Variants in PRDM5 observed in about 807,000 individuals in gnomAD.
PRDM5 encodes the protein PR/SET domain 5, also known as PR domain zinc finger protein 5.
A neutral mutation model predicts 81.2 loss-of-function variants in PRDM5; 56 were observed. The ratio of observed to expected loss-of-function variants is 0.69; its 90% CI spans 0.56 to 0.86. The LOEUF is 0.86. Ranked by LOEUF, PRDM5 falls within the 40% of genes least tolerant of loss-of-function variation. The probability of loss-of-function intolerance (pLI) is 0.00; values close to 1 mark genes in which losing one functional copy is unlikely to be tolerated. For missense variants in PRDM5, 697 were observed against 770.1 expected, an observed-to-expected ratio of 0.91 and a Z score of 1.12; for synonymous variants, 267 against 256.4, an observed-to-expected ratio of 1.04 and a Z score of -0.39.
chr4:120,801,588 C>T (rs895730225), intron 8 of PRDM5, among the ~76,000 whole-genome samples: 8 of 152,336 alleles, frequency 5.3e-5, no homozygotes, highest in Middle Eastern at 3.4e-3. Context: ...CTTATCTCCC[C>T]GCTTAGATGC....
intron 1 of PRDM5, 46 bp downstream of exon 1, chr4:120,922,470 G>C: frequency 6.8e-7 from 1 of 1,470,284 alleles, no homozygotes; most frequent in East Asian, 2.9e-5. Context: ...GGAGGCACAG[G>C]GCGCGCGAGG....
At chr4:120,827,459 C>T (rs962289496) in intron 3 of PRDM5, among the ~76,000 whole-genome samples, 1 of 152,076 alleles carries the variant, frequency 6.6e-6, no homozygotes, top group African/African-American at 2.4e-5. Context: ...GGGGCACCAA[C>T]AAACTTCTTA....
At chr4:120,714,664 C>T (rs185265508) in intron 14 of PRDM5, among the ~76,000 whole-genome samples, 225 of 152,178 alleles carry the variant, frequency 1.5e-3, no homozygotes, top group African/African-American at 5.2e-3. Flanking sequence ...TCTCCTGTCT[C>T]CTGCTCGTGG....
intron 10 of PRDM5, among the ~76,000 whole-genome samples, chr4:120,786,077 T>C (rs1162419495): frequency 1.3e-5 from 2 of 152,092 alleles, no homozygotes; most frequent in Non-Finnish European, 2.9e-5. Flanking sequence ...TCATATTACA[T>C]AAAACAAATC....
At chr4:120,845,999 ACCTGAAGATGTGAAGTGAGG>A in intron 3 of PRDM5, among the ~76,000 whole-genome samples, 1 of 152,290 alleles carries the variant, frequency 6.6e-6, no homozygotes, top group Admixed American at 6.5e-5. Flanking sequence ...TAGAAGTGAG[ACCTGAAGATGTGAAGTGAGG>A]CCTGAAGATG....
intron 14 of PRDM5, among the ~76,000 whole-genome samples, 194 bp downstream of exon 14, chr4:120,754,359 C>A (rs1182741883): frequency 6.6e-6 from 1 of 151,842 alleles, no homozygotes; most frequent in African/African-American, 2.4e-5. Context: ...TTTGAGGTTT[C>A]AATTTGTGTT....
chr4:120,914,605 A>G (rs917232932), intron 1 of PRDM5, among the ~76,000 whole-genome samples: 3 of 152,206 alleles, frequency 2.0e-5, no homozygotes, highest in African/African-American at 7.2e-5. Flanking sequence ...AAGGCAAAAG[A>G]GAAGCACGCA....
rs115757257 is a variant in PRDM5 at position 120,777,657 on chromosome 4, C to T, written c.1444-376G>A. ...CTTCATTTGAAGCATTTTTCACATT[C>T]TTTGTGTATATTTAACTCTTGAGGA... On this transcript the variant is annotated intron_variant, in intron 12 of 15. Transcript: ENST00000264808. Among the ~76,000 whole-genome samples the T allele has an allele frequency of 8.2e-3, 1,255 of 152,202 alleles. 11 individuals carry two copies. Among genetic ancestry groups the T allele is most frequent in the African/African-American group, 0.028 (1,157 of 41,548 alleles).
At chr4:120,748,603 T>C (rs1743495731) in intron 14 of PRDM5, among the ~76,000 whole-genome samples, 1 of 150,752 alleles carries the variant, frequency 6.6e-6, no homozygotes, top group African/African-American at 2.5e-5. Context: ...ATTGCACCAC[T>C]ACACTCCAGT....
At chr4:120,861,174 A>C (rs1561521874) in intron 2 of PRDM5, among the ~76,000 whole-genome samples, 1 of 151,992 alleles carries the variant, frequency 6.6e-6, no homozygotes, top group African/African-American at 2.4e-5. Context: ...CACATGGCTA[A>C]TTTTTATGTT....
At chr4:120,777,717 T>G (rs1294282149) in intron 12 of PRDM5, among the ~76,000 whole-genome samples, 1 of 152,130 alleles carries the variant, frequency 6.6e-6, no homozygotes, top group African/African-American at 2.4e-5. Context: ...CTATTACTTG[T>G]GTTATGATGT....
chr4:120,706,079 C>T (rs1736069475), intron 15 of PRDM5, among the ~76,000 whole-genome samples: 1 of 148,876 alleles, frequency 6.7e-6, no homozygotes, highest in African/African-American at 2.5e-5. Context: ...GGTTTTGATC[C>T]TAGATCTTTT....
chr4:120,749,943 A>G (rs1344064027), intron 14 of PRDM5, among the ~76,000 whole-genome samples: 1 of 152,144 alleles, frequency 6.6e-6, no homozygotes, highest in African/African-American at 2.4e-5. Context: ...TGCCACAGCC[A>G]GTAGGGCCAG....
downstream of PRDM5, among the ~76,000 whole-genome samples, chr4:120,684,420 T>C (rs1733763399): frequency 6.6e-6 from 1 of 152,028 alleles, no homozygotes; most frequent in Admixed American, 6.6e-5. Flanking sequence ...ACAAATCCAC[T>C]TCTCCTGGAG....
rs143199695 is a variant in PRDM5 at position 120,725,170 on chromosome 4, C to T, written c.1624-14757G>A. 6.1e-4 allele frequency among the ~76,000 whole-genome samples: 92 copies of T among 150,794 alleles called. 3 individuals carry two copies. The East Asian group carries it at 0.011, about 18-fold the overall frequency. ...GAGAAATGTTTATTCTAAACTTGAA[C>T]ACCATTAACATTTTAAAATTCCAAA... On this transcript the variant is annotated intron_variant, in intron 14 of 15. Transcript: ENST00000264808.
intron 8 of PRDM5, among the ~76,000 whole-genome samples, chr4:120,807,654 C>T (rs538424925): frequency 5.3e-4 from 81 of 152,266 alleles, no homozygotes; most frequent in South Asian, 1.9e-3. Context: ...AGAATGAAGC[C>T]GCAGACCCTC....
chr4:120,797,121 A>C (rs1027154463), intron 10 of PRDM5, among the ~76,000 whole-genome samples: 1 of 152,202 alleles, frequency 6.6e-6, no homozygotes, highest in Non-Finnish European at 1.5e-5. Context: ...AGAAGAAACT[A>C]GGACACTATA....
chr4:120,708,390 A>G lies in PRDM5; in HGVS notation c.1728+1919T>C, dbSNP rs754292467. Among the ~76,000 whole-genome samples, 95 of 152,162 alleles carry G rather than the reference A, an allele frequency of 6.2e-4. 1 individual carries two copies. Among genetic ancestry groups the G allele is most frequent in the African/African-American group, 2.2e-3 (92 of 41,462 alleles). ...ATGCTTAATGAAAGAAGCCAGTCAC[A>G]AAAGGTCACATATTGCATATTTCAT... On this transcript the variant is annotated intron_variant, in intron 15 of 15. Coordinates refer to ENST00000264808, the MANE Select transcript of PRDM5 (RefSeq NM_018699.4).
chr4:120,864,473 G>C lies in PRDM5; in HGVS notation c.178-10933C>G, dbSNP rs1319482729. 3.3e-5 allele frequency among the ~76,000 whole-genome samples: 5 copies of C among 152,214 alleles called. No individual in the cohort carries two copies. In the South Asian group the frequency reaches 1.0e-3, roughly 32 times the overall value. ...GAAAACAATAAAAACACAAAATTAAGAAATATTGATGTTACATGCAACCAA... is the reference window on the plus strand; with the variant it reads ...GAAAACAATAAAAACACAAAATTAACAAATATTGATGTTACATGCAACCAA... On this transcript the variant is annotated intron_variant, in intron 2 of 15. Coordinates refer to ENST00000264808, the MANE Select transcript of PRDM5 (RefSeq NM_018699.4).
Sources: gnomAD v4.1 joint callset for allele counts (sites outside exome capture counted in the v4.1 genomes callset) on GRCh38, gnomAD v4.1.1 for gene constraint, MANE v1.5 for transcripts, NCBI Gene and HGNC (gene_info 2026-07-23, HGNC 2026-07-21) for gene names.